FAM90A20: variants seen among roughly 807,000 people sequenced by gnomAD.
The protein encoded by FAM90A20 is protein FAM90A20.
the FAM90A20 span, chr8:7,295,555 C>G: frequency 1.5e-6 from 1 of 661,898 alleles, no homozygotes. Flanking sequence ...AATTCACAAT[C>G]CATCCCAATG....
the FAM90A20 span, chr8:7,297,341 C>G: frequency 9.4e-6 from 13 of 1,389,866 alleles, no homozygotes; most frequent in Admixed American, 8.5e-5. Context: ...GGGTAGCTGC[C>G]GAGAAGTTCC....
At chr8:7,297,637 C>A in the FAM90A20 span, 15 of 1,406,714 alleles carry the variant, frequency 1.1e-5, 2 homozygotes, top group East Asian at 6.8e-5. Flanking sequence ...CTCCACCAGC[C>A]GCAACCGAAC....
At chr8:7,297,650 G>T in the FAM90A20 span, 3 of 1,394,130 alleles carry the variant, frequency 2.2e-6, no homozygotes, top group Non-Finnish European at 2.9e-6. Context: ...AACCGAACTT[G>T]GACCAAGTAG....
the FAM90A20 span, chr8:7,295,551 C>A: frequency 2.1e-5 from 14 of 651,662 alleles, 3 homozygotes; most frequent in Middle Eastern, 3.9e-4. Context: ...TCTGAATTCA[C>A]AATCCATCCC....
At chr8:7,295,849 T>C in the FAM90A20 span, 9 of 713,970 alleles carry the variant, frequency 1.3e-5, 1 homozygote, top group Non-Finnish European at 2.2e-5. Context: ...TGGGAGGGGT[T>C]TTCACCACTC....
At chr8:7,296,184 A>T in the FAM90A20 span, 1 of 648,600 alleles carries the variant, frequency 1.5e-6, no homozygotes, top group Non-Finnish European at 2.8e-6. Flanking sequence ...CCAGATTTCC[A>T]TTTCTGTATC....
At chr8:7,296,181 T>A in the FAM90A20 span, 2 of 647,498 alleles carry the variant, frequency 3.1e-6, 1 homozygote, top group Admixed American at 4.3e-5. Context: ...GCACCAGATT[T>A]CCATTTCTGT....
At chr8:7,297,081 C>G in the FAM90A20 span, 11 of 1,508,632 alleles carry the variant, frequency 7.3e-6, 1 homozygote, top group Admixed American at 5.2e-5. Context: ...GGGCCAATGC[C>G]GGTCCACACA....
the FAM90A20 span, chr8:7,297,663 C>A: frequency 2.2e-6 from 3 of 1,383,754 alleles, no homozygotes; most frequent in South Asian, 3.5e-5. Flanking sequence ...CCAAGTAGGT[C>A]GCCCCAGATG....
At chr8:7,297,313 G>T in the FAM90A20 span, 8 of 1,357,666 alleles carry the variant, frequency 5.9e-6, no homozygotes, top group East Asian at 2.3e-5. Context: ...TGGTGGAGCC[G>T]ACACACAGCA....
At chr8:7,295,454 G>T in the FAM90A20 span, among the ~76,000 whole-genome samples, 1 of 106,760 alleles carries the variant, frequency 9.4e-6, no homozygotes, top group South Asian at 2.8e-4. Flanking sequence ...CCGTCACACG[G>T]GCTTTGCGAG....
the FAM90A20 span, among the ~76,000 whole-genome samples, chr8:7,296,815 T>A: frequency 2.9e-5 from 4 of 136,270 alleles, no homozygotes; most frequent in South Asian, 6.5e-4. Flanking sequence ...ATCCAGTTAA[T>A]GCCCAAGACG....
At chr8:7,296,301 G>C in the FAM90A20 span, 4 of 736,788 alleles carry the variant, frequency 5.4e-6, no homozygotes, top group Non-Finnish European at 9.8e-6. Flanking sequence ...AACAAGACCC[G>C]CAGAGGAAGG....
chr8:7,297,366 A>C, the FAM90A20 span: 2 of 1,477,124 alleles, frequency 1.4e-6, no homozygotes, highest in Non-Finnish European at 1.9e-6. Flanking sequence ...GCTGCCTCCA[A>C]AACCCACGGC....
At chr8:7,297,051 C>A in the FAM90A20 span, 1 of 1,489,470 alleles carries the variant, frequency 6.7e-7, no homozygotes, top group South Asian at 1.2e-5. Flanking sequence ...GTGTTGTTTC[C>A]TCTCTTTCAG....
At chr8:7,297,158 G>T in the FAM90A20 span, 2 of 1,531,366 alleles carry the variant, frequency 1.3e-6, no homozygotes, top group Non-Finnish European at 1.8e-6. Context: ...GTCTGGCAGG[G>T]GCTCCGTCTT....
At chr8:7,296,504 G>T in the FAM90A20 span, 23 of 645,504 alleles carry the variant, frequency 3.6e-5, 2 homozygotes, top group South Asian at 3.2e-4. Context: ...CCTCTTTCTT[G>T]TCTTCTTGGG....
the FAM90A20 span, chr8:7,295,598 C>T: frequency 6.1e-6 from 4 of 655,422 alleles, no homozygotes; most frequent in South Asian, 1.5e-5. Flanking sequence ...GGCTTCAGCT[C>T]ACTCACTGAC....
chr8:7,296,481 A>G, the FAM90A20 span: 5 of 666,882 alleles, frequency 7.5e-6, 1 homozygote, highest in Non-Finnish European at 1.4e-5. Flanking sequence ...CTGCGGGAGG[A>G]AATCGGGGAA....
Sources: allele counts gnomAD v4.1 joint callset (sites outside exome capture counted in the v4.1 genomes callset), GRCh38; gene constraint gnomAD v4.1.1; transcripts MANE v1.5; gene names NCBI Gene and HGNC (gene_info 2026-07-23, HGNC 2026-07-21).